The following BRAT1 variants were observed in gnomAD, a reference collection of about 807,000 sequenced individuals.
BRAT1 encodes BRCA1 associated ATM activator 1.
A neutral mutation model predicts 70.6 loss-of-function variants in BRAT1; 74 were observed. The observed-to-expected ratio is 1.05, with a 90% confidence interval of 0.87 to 1.27. BRAT1 has a LOEUF of 1.27. BRAT1 is among the 50% of genes most tolerant of loss of function. The pLI, the probability that BRAT1 is intolerant of heterozygous loss-of-function variation, is 0.00. For missense variants in BRAT1, 1,203 were observed against 1,098.2 expected, an observed-to-expected ratio of 1.10 and a Z score of -1.35; for synonymous variants, 615 against 517.1, an observed-to-expected ratio of 1.19 and a Z score of -2.57.
intron 2 of BRAT1, among the ~76,000 whole-genome samples, chr7:2,550,467 C>CA (rs71550358): frequency 0.28 from 9,055 of 32,334 alleles, 889 homozygotes; most frequent in Non-Finnish European, 0.31. Context: ...GACTCCATCT[C>CA]AAAAAAAAAA....
intron 2 of BRAT1, among the ~76,000 whole-genome samples, chr7:2,554,065 T>C (rs1296881535): frequency 1.3e-5 from 2 of 152,228 alleles, no homozygotes; most frequent in Admixed American, 1.3e-4. Context: ...TGGGGTGCCC[T>C]GATCGTGGCT....
intron 3 of BRAT1, 105 bp downstream of exon 3, chr7:2,547,219 G>T: frequency 7.0e-7 from 1 of 1,429,700 alleles, no homozygotes; most frequent in Non-Finnish European, 9.7e-7. Flanking sequence ...GGGGCAGGCC[G>T]CTGGGACTTG....
Position 2,538,436 on chromosome 7 carries a change from A to G in BRAT1, c.2099T>C (p.Leu700Pro), listed in dbSNP as rs1341407412. ...CAAGGCACAAAAGGCGAAGTCAAAG[A>G]GCCCCACGTGGCAGAGAGCCCTCAG... Reference protein sequence around the residue: ...EALRALCHVGLFDFAFCALFD... With the variant: ...EALRALCHVGPFDFAFCALFD... Residue 700 changes from leucine (L) to proline (P), a missense_variant, in exon 14 of 14, where the codon CTC becomes CCC. Transcript: ENST00000340611. The G allele has an allele frequency of 1.2e-6, 2 of 1,613,318 alleles. No homozygotes were observed.
rs375295804 is a variant in BRAT1 at position 2,539,355 on chromosome 7, G to T, written c.1598-4C>A. On this transcript the variant is annotated splice_region_variant and splice_polypyrimidine_tract_variant and intron_variant, in intron 12 of 13. Coordinates refer to ENST00000340611, the MANE Select transcript of BRAT1 (RefSeq NM_152743.4). ...GCGCATCTGAAGTCAGCCTGTCCTG[G>T]GGGTCGAAACGGCCACATGCAGCTG... 58 of 1,601,080 alleles carry T rather than the reference G, an allele frequency of 3.6e-5. No individual in the cohort carries two copies. The African/African-American group carries it at 6.8e-4, about 19-fold the overall frequency.
chr7:2,554,868 GA>G (rs1780298959), intron 1 of BRAT1, among the ~76,000 whole-genome samples: 1 of 152,176 alleles, frequency 6.6e-6, no homozygotes, highest in Non-Finnish European at 1.5e-5. Flanking sequence ...GCCTGGGCTG[GA>G]AAGTTTCTGT....
At chr7:2,544,075 C>G in intron 4 of BRAT1, 113 bp from the exon 5 acceptor site, 1 of 875,944 alleles carries the variant, frequency 1.1e-6, no homozygotes, top group Non-Finnish European at 1.6e-6. Flanking sequence ...AAGATGCCCC[C>G]AAATGCCTCT....
chr7:2,552,097 TATATATATA>T (rs1463038772), intron 2 of BRAT1, among the ~76,000 whole-genome samples: 3 of 19,968 alleles, frequency 1.5e-4, no homozygotes, highest in East Asian at 2.6e-3. Context: ...TATATATATA[TATATATATA>T]TTTTTTTTTT....
chr7:2,539,126 C>G, intron 13 of BRAT1, 53 bp downstream of exon 13: 2 of 1,549,408 alleles, frequency 1.3e-6, no homozygotes, highest in Non-Finnish European at 1.7e-6. Flanking sequence ...AGCAAACGAG[C>G]ACACACGATG....
chr7:2,544,836 C>G (rs1779478130), intron 4 of BRAT1, 73 bp downstream of exon 4: 1 of 1,522,568 alleles, frequency 6.6e-7, no homozygotes, highest in Non-Finnish European at 8.8e-7. Context: ...CACTCAGATT[C>G]AGCAAGGTGC....
At chr7:2,548,150 T>C (rs140396797) in intron 2 of BRAT1, among the ~76,000 whole-genome samples, 1 of 152,014 alleles carries the variant, frequency 6.6e-6, no homozygotes, top group Non-Finnish European at 1.5e-5. Flanking sequence ...TGGGTACTTT[T>C]CCTTAGACAG....
intron 1 of BRAT1, among the ~76,000 whole-genome samples, chr7:2,554,699 G>T (rs1185054209): frequency 6.6e-6 from 1 of 152,220 alleles, no homozygotes; most frequent in Non-Finnish European, 1.5e-5. Context: ...GAAACCACAA[G>T]GCCTCCGGAA....
In BRAT1 at chr7:2,552,579, T is replaced by C. The variant is rs140901349; in HGVS notation, c.127+1726A>G. On this transcript the variant is annotated intron_variant, in intron 2 of 13. Coordinates refer to ENST00000340611, the MANE Select transcript of BRAT1 (RefSeq NM_152743.4). ...CATCCTTAAAAAAAAAAATACAATA[T>C]AATTTAAAAATAAAAAGAATAAAAG... is the stretch of plus-strand genomic sequence containing the variant. Among the ~76,000 whole-genome samples the C allele has an allele frequency of 8.0e-3, 1,206 of 150,840 alleles. 22 individuals are homozygous for C. Among genetic ancestry groups the C allele is most frequent in the African/African-American group, 0.028 (1,144 of 41,088 alleles).
At chr7:2,551,285 A>C (rs547995414) in intron 2 of BRAT1, among the ~76,000 whole-genome samples, 18 of 150,288 alleles carry the variant, frequency 1.2e-4, no homozygotes, top group African/African-American at 4.1e-4. Context: ...ATATATAGAT[A>C]TATATATATC....
At chr7:2,544,200 G>T (rs114533867) in intron 4 of BRAT1, 2,011 of 108,430 alleles carry the variant, frequency 0.019, 32 homozygotes, top group African/African-American at 0.037. Context: ...CCTTCTTGTT[G>T]TTTTTTTTTT....
At chr7:2,548,669 A>C (rs912162212) in intron 2 of BRAT1, among the ~76,000 whole-genome samples, 1 of 127,882 alleles carries the variant, frequency 7.8e-6, no homozygotes, top group Non-Finnish European at 1.7e-5. Flanking sequence ...CTGTCTCTCT[A>C]AAAAAAAAAA....
rs761039052 is a variant in BRAT1 at position 2,543,837 on chromosome 7, G to A, written c.556C>T (p.Leu186=). The A allele has an allele frequency of 6.2e-7, 1 of 1,612,980 alleles. No individual in the cohort carries two copies. Among genetic ancestry groups the A allele is most frequent in the Admixed American group, 1.7e-5 (1 of 60,018 alleles). The change falls in exon 5 of 14, where the codon CTG becomes TTG. Residue 186 remains leucine (L), a synonymous_variant. Coordinates refer to ENST00000340611, the MANE Select transcript of BRAT1 (RefSeq NM_152743.4). This position sits in a 1 kb window ranked among gnomAD's most constrained non-coding sequence, Gnocchi z 5.5. Reference sequence around the variant, plus strand: ...CACGCGGGCCAGTCACCCCCCGGCAGGCAGGGCTGCCCCTCGGCTCCACCT... The same window carrying A: ...CACGCGGGCCAGTCACCCCCCGGCAAGCAGGGCTGCCCCTCGGCTCCACCT... ...MRGGAEGQPC[L]PGGDWPACAQ... is the part of the protein sequence containing the mutation.
intron 1 of BRAT1, 91 bp from the exon 2 acceptor site, chr7:2,554,538 G>T: frequency 6.9e-7 from 1 of 1,441,026 alleles, no homozygotes; most frequent in East Asian, 2.5e-5. Flanking sequence ...GCTCAGGCCT[G>T]GGAAGGGGCC....
chr7:2,538,180 C>T lies in BRAT1; in HGVS notation c.2355G>A (p.Arg785=), dbSNP rs1273270576. The T allele has an allele frequency of 6.8e-6, 11 of 1,609,392 alleles. No individual in the cohort carries two copies. Among genetic ancestry groups the T allele is most frequent in the South Asian group, 2.2e-5 (2 of 91,000 alleles). The change falls in exon 14 of 14, where the codon CGG becomes CGA. Residue 785 remains arginine, a synonymous_variant. Transcript: ENST00000340611. ...GGTCGCTGCTCTCGGCCAGCGTGCT[C>T]CGCAGGCCCTCCAGGTCTAGGGACC... ...MLRSLDLEGL[R]STLAESSDHV...
Position 2,538,809 on chromosome 7 carries a change from A to C in BRAT1, c.1771-45T>G, listed in dbSNP as rs778150791. 10 of 1,593,422 alleles carry C rather than the reference A, an allele frequency of 6.3e-6. No homozygotes were observed. In the South Asian group the frequency reaches 8.8e-5, roughly 14 times the overall value. On this transcript the variant is annotated intron_variant, in intron 13 of 13. Coordinates refer to ENST00000340611, the MANE Select transcript of BRAT1 (RefSeq NM_152743.4). ...TGCGGATGGTTGGTGGGGTGGCAGG[A>C]GCGAGGCTCCCGCAACAGGACTCCG...
Sources: gnomAD v4.1 joint callset for allele counts (sites outside exome capture counted in the v4.1 genomes callset) on GRCh38, gnomAD v4.1.1 for gene constraint, Gnocchi (gnomAD v3.1) non-coding constraint, MANE v1.5 for transcripts, NCBI Gene and HGNC (gene_info 2026-07-23, HGNC 2026-07-21) for gene names.